NMNAT3: variants seen among roughly 807,000 people sequenced by gnomAD.
NMNAT3 encodes nicotinamide/nicotinic acid mononucleotide adenylyltransferase 3.
Under a neutral mutation model 24.8 loss-of-function variants are expected in NMNAT3, and 21 were observed. That is an observed-to-expected ratio of 0.85 (90% CI 0.60 to 1.22). The LOEUF is 1.22. Ranked by LOEUF, NMNAT3 falls within the 50% of genes most tolerant of loss-of-function variation. The pLI is 0.00. For missense variants in NMNAT3, 387 were observed against 436.6 expected (o/e 0.89, Z 1.01); for synonymous variants, 136 against 155.2 (o/e 0.88, Z 0.92).
chr3:139,567,773 G>A (rs1181832889), intron 6 of NMNAT3: 1 of 152,182 alleles, frequency 6.6e-6, no homozygotes, highest in Non-Finnish European at 1.5e-5. Context: ...TTGCATCGAT[G>A]TTCATCAAGG....
chr3:139,613,635 G>A (rs1256826791), intron 3 of NMNAT3, among the ~76,000 whole-genome samples: 1 of 152,064 alleles, frequency 6.6e-6, no homozygotes. Flanking sequence ...CCATTACTGG[G>A]TATATACCCA....
At chr3:139,634,129 C>T (rs1031396202) in intron 2 of NMNAT3, among the ~76,000 whole-genome samples, 2 of 152,212 alleles carry the variant, frequency 1.3e-5, no homozygotes, top group Admixed American at 1.3e-4. Context: ...CTAGTGTGCA[C>T]CCCTCAGCCC....
At chr3:139,613,542 G>A (rs1477344059) in intron 3 of NMNAT3, among the ~76,000 whole-genome samples, 5 of 152,310 alleles carry the variant, frequency 3.3e-5, no homozygotes, top group East Asian at 3.9e-4. Context: ...TGGTGGGACT[G>A]TAAACTAGTT....
Position 139,641,465 on chromosome 3 carries a change from G to A in NMNAT3, c.-140-3403C>T, listed in dbSNP as rs1440919295. On this transcript the variant is annotated intron_variant, in intron 1 of 6. Coordinates refer to ENST00000643695, the MANE Select transcript of NMNAT3 (RefSeq NM_001320510.2). ...GAACAGAGAGGCTGTCCAGAGGATA[G>A]GAAAGCAAGGGCCTGGCCCCAGGGG... Among the ~76,000 whole-genome samples, 41 of 152,162 alleles carry A rather than the reference G, an allele frequency of 2.7e-4. 2 individuals are homozygous for A. The highest frequency in any genetic ancestry group is 2.7e-3 in the Admixed American group (41 of 15,264).
At chr3:139,564,224 C>T (rs192773188) in intron 6 of NMNAT3, among the ~76,000 whole-genome samples, 21 of 152,236 alleles carry the variant, frequency 1.4e-4, no homozygotes, top group African/African-American at 3.1e-4. Context: ...TCCTGTCTGG[C>T]GCAGCATGTG....
At chr3:139,642,257 G>A (rs889769562) in intron 1 of NMNAT3, among the ~76,000 whole-genome samples, 1 of 152,198 alleles carries the variant, frequency 6.6e-6, no homozygotes, top group East Asian at 1.9e-4. Context: ...TGCTGATCAG[G>A]TGTTCAGTGG....
chr3:139,654,626 CTCATGA>C, intron 1 of NMNAT3, among the ~76,000 whole-genome samples: 1 of 152,218 alleles, frequency 6.6e-6, no homozygotes, highest in East Asian at 1.9e-4. Context: ...GCAGGACTAA[CTCATGA>C]TCCAACCTAA....
At chr3:139,624,283 A>C (rs1013516402) in intron 3 of NMNAT3, among the ~76,000 whole-genome samples, 6 of 151,874 alleles carry the variant, frequency 4.0e-5, no homozygotes, top group African/African-American at 1.2e-4. Flanking sequence ...ATGTTTTCTA[A>C]TTTCCATTTT....
At chr3:139,657,820 G>T (rs2057294341) in intron 1 of NMNAT3, among the ~76,000 whole-genome samples, 1 of 151,588 alleles carries the variant, frequency 6.6e-6, no homozygotes, top group South Asian at 2.1e-4. Context: ...TTTGCTGTGG[G>T]GGGTATCATG....
chr3:139,595,143 A>C (rs368619451), intron 3 of NMNAT3, among the ~76,000 whole-genome samples: 13 of 152,182 alleles, frequency 8.5e-5, no homozygotes, highest in African/African-American at 2.9e-4. Flanking sequence ...GTACAAAAAT[A>C]ACAAGCATTC....
At chr3:139,612,237 G>A (rs894322104) in intron 3 of NMNAT3, among the ~76,000 whole-genome samples, 2 of 151,568 alleles carry the variant, frequency 1.3e-5, no homozygotes, top group Non-Finnish European at 2.9e-5. Context: ...ACGTGAACTA[G>A]AGCAAAATCA....
chr3:139,605,012 C>T (rs1379343204), intron 3 of NMNAT3, among the ~76,000 whole-genome samples: 1 of 152,122 alleles, frequency 6.6e-6, no homozygotes, highest in Non-Finnish European at 1.5e-5. Context: ...CTGGGTGGGG[C>T]GATGCCAGCC....
intron 2 of NMNAT3, among the ~76,000 whole-genome samples, chr3:139,631,531 CAG>C (rs1559931728): frequency 6.6e-6 from 1 of 152,092 alleles, no homozygotes. Context: ...TAATGGAGGC[CAG>C]AGAGTGATAA....
chr3:139,629,365 G>A (rs2056193999), intron 2 of NMNAT3, among the ~76,000 whole-genome samples: 1 of 152,144 alleles, frequency 6.6e-6, no homozygotes, highest in South Asian at 2.1e-4. Context: ...GCAGCCCTGC[G>A]AACACTGACT....
chr3:139,631,956 A>G (rs761542208), intron 2 of NMNAT3, among the ~76,000 whole-genome samples: 4 of 151,464 alleles, frequency 2.6e-5, no homozygotes, highest in Admixed American at 2.6e-4. Flanking sequence ...TTTATTTTTT[A>G]TTTGTTTTTT....
chr3:139,617,099 T>C (rs1301274389), intron 3 of NMNAT3, among the ~76,000 whole-genome samples: 1 of 152,186 alleles, frequency 6.6e-6, no homozygotes, highest in East Asian at 1.9e-4. Context: ...GCTCAGTCCT[T>C]AACATTCTCA....
chr3:139,646,747 T>G (rs1219999442), intron 1 of NMNAT3, among the ~76,000 whole-genome samples: 1 of 152,186 alleles, frequency 6.6e-6, no homozygotes, highest in Non-Finnish European at 1.5e-5. Flanking sequence ...GCTATGAAAT[T>G]GGGAAATGGA....
chr3:139,595,759 T>C (rs1296394915), intron 3 of NMNAT3, among the ~76,000 whole-genome samples: 2 of 152,188 alleles, frequency 1.3e-5, no homozygotes, highest in African/African-American at 4.8e-5. Context: ...GCTAGCCATA[T>C]GTAGAAAGCT....
rs1360474380 is a variant in NMNAT3 at position 139,677,747 on chromosome 3, G to A, written c.-183C>T. On this transcript the variant is annotated 5_prime_UTR_variant, in exon 1 of 7. Transcript: ENST00000643695. ...CAGCAACGGCGCTCGGCGAGTCTCG[G>A]GGGACTGCGGGGGACTAGGGGACCT... 1 of 152,334 alleles carries A rather than the reference G, an allele frequency of 6.6e-6. No individual in the cohort carries two copies. The highest frequency in any genetic ancestry group is 2.4e-5 in the African/African-American group (1 of 41,468). 9.4% of individuals were successfully genotyped at this position (152,334 alleles called of 1,614,324 possible). A position where few individuals can be genotyped will look rare whatever the true frequency, so the allele number is the denominator to read the frequency against.
Sources: gnomAD v4.1 joint callset for allele counts (sites outside exome capture counted in the v4.1 genomes callset) on GRCh38, gnomAD v4.1.1 for gene constraint, MANE v1.5 for transcripts, NCBI Gene and HGNC (gene_info 2026-07-23, HGNC 2026-07-21) for gene names.